Variants in ANKRA2 observed in about 807,000 individuals in gnomAD.
ANKRA2 encodes the protein ankyrin repeat family A member 2.
A neutral mutation model predicts 37.8 loss-of-function variants in ANKRA2; 33 were observed. That is an observed-to-expected ratio of 0.87 (90% CI 0.66 to 1.17). The LOEUF (loss-of-function observed/expected upper bound fraction) is 1.17, where lower values mean the gene tolerates loss of function less well. Among genes scored for constraint, ANKRA2 ranks in the 50% most tolerant of loss-of-function variants. The pLI, the probability that ANKRA2 is intolerant of heterozygous loss-of-function variation, is 0.00. For missense variants in ANKRA2, 326 were observed against 373.7 expected, an observed-to-expected ratio of 0.87 and a Z score of 1.05; for synonymous variants, 126 against 132.3, an observed-to-expected ratio of 0.95 and a Z score of 0.33.
At position 73,554,422 on chromosome 5, in the gene ANKRA2, C is replaced by T. The variant is rs139166858; in HGVS notation, c.739-34G>A. The stretch of plus-strand genomic sequence containing the variant: ...TGAAAAGGTGATTCAGAGTTTTTCA[C>T]GGTGAGCAAGACTCAAGTAATTTAA... On this transcript the variant is annotated intron_variant, in intron 6 of 8. Transcript: ENST00000296785. The T allele has an allele frequency of 5.0e-5, 74 of 1,481,498 alleles. No individual in the cohort carries two copies. The African/African-American group carries it at 6.9e-4, about 14-fold the overall frequency. 91.8% of individuals were successfully genotyped at this position (1,481,498 alleles called of 1,614,324 possible).
intron 7 of ANKRA2, 44 bp from the exon 8 acceptor site, chr5:73,553,530 G>A: frequency 6.7e-7 from 1 of 1,495,014 alleles, no homozygotes; most frequent in South Asian, 1.1e-5. Context: ...TGAAAATGCA[G>A]ATATGTTTGT....
Position 73,552,850 on chromosome 5 carries a change from G to T in ANKRA2, c.889C>A (p.Gln297Lys). 6.2e-7 allele frequency: 1 copy of T among 1,600,874 alleles called. No individual in the cohort carries two copies. Among genetic ancestry groups the T allele is most frequent in the South Asian group, 1.1e-5 (1 of 90,214 alleles). Residue 297 changes from glutamine (Q) to lysine (K), a missense_variant and splice_region_variant, in exon 9 of 9, where the codon CAA becomes AAA. Physicochemically the swap from Gln to Lys is moderately conservative, Grantham distance 53. This residue lies in a region of ANKRA2 where 228 missense variants were observed against 260.2 expected (regional missense o/e 0.88). Coordinates refer to ENST00000296785, the MANE Select transcript of ANKRA2 (RefSeq NM_023039.5). Reference protein sequence around the residue: ...LAVALGYRSVQQVIESHLLKL... With the variant: ...LAVALGYRSVKQVIESHLLKL... ...AACAAATGTGACTCAATAACCTGTT[G>T]AACTAGAACAGATAGGTAATCAAGA...
chr5:73,554,298 T>C, intron 7 of ANKRA2, 24 bp downstream of exon 7: 2 of 1,604,540 alleles, frequency 1.2e-6, no homozygotes, highest in South Asian at 2.2e-5. Flanking sequence ...TCACATGGCA[T>C]TTTCTAAATT....
intron 8 of ANKRA2, 146 bp from the exon 9 acceptor site, chr5:73,552,998 T>C: frequency 3.2e-6 from 2 of 621,034 alleles, no homozygotes; most frequent in Non-Finnish European, 5.5e-6. Context: ...AATAATACAA[T>C]GCAATACTTT....
chr5:73,555,770 G>A (rs1159266180), intron 4 of ANKRA2, among the ~76,000 whole-genome samples, 185 bp from the exon 5 acceptor site: 1 of 152,124 alleles, frequency 6.6e-6, no homozygotes, highest in African/African-American at 2.4e-5. Flanking sequence ...ATTAAAATAT[G>A]CCTCAATGTA....
In ANKRA2 at chr5:73,554,981, A is replaced by AGCAC; in HGVS notation, c.614_617dup (p.Asp207CysfsTer2). 1 of 1,612,912 alleles carries AGCAC rather than the reference A, an allele frequency of 6.2e-7. No individual in the cohort carries two copies. The highest frequency in any genetic ancestry group is 8.5e-7 in the Non-Finnish European group (1 of 1,179,566). ...GACCTTTTCCTAAAAGTTGGGGATC[A>AGCAC]GCACCCTGGTATGGGAAGTAGAGAT... On this transcript the variant is annotated frameshift_variant, in exon 6 of 9. Transcript: ENST00000296785. LOFTEE classifies it high-confidence loss of function.
In ANKRA2 at chr5:73,552,236, T is replaced by C. The variant is rs999906657; in HGVS notation, c.*561A>G. ...AGTTTATTTTAATTACATATATTGT[T>C]TGATCTAATGAAGTGTTACGGCAGG... On this transcript the variant is annotated 3_prime_UTR_variant, in exon 9 of 9. Coordinates refer to ENST00000296785, the MANE Select transcript of ANKRA2 (RefSeq NM_023039.5). 1.3e-5 allele frequency: 2 copies of C among 152,448 alleles called. No individual in the cohort carries two copies. The highest frequency in any genetic ancestry group is 4.8e-5 in the African/African-American group (2 of 41,462). The allele number at this position is 152,448 out of a possible 1,614,324, so 9.4% of individuals were successfully genotyped here. A position where few individuals can be genotyped will look rare whatever the true frequency, so the allele number is the denominator to read the frequency against.
Position 73,565,398 on chromosome 5 carries a change from C to T in ANKRA2, c.-371G>A, listed in dbSNP as rs1747706121. 4.5e-6 allele frequency: 1 copy of T among 221,716 alleles called. No individual in the cohort carries two copies. Among genetic ancestry groups the T allele is most frequent in the South Asian group, 5.3e-5 (1 of 18,904 alleles). The allele number at this position is 221,716 out of a possible 1,614,324, so 13.7% of individuals were successfully genotyped here. On this transcript the variant is annotated 5_prime_UTR_variant, in exon 1 of 9. Transcript: ENST00000296785. The stretch of plus-strand genomic sequence containing the variant: ...ATCTGAGGCCAGCTTCAGTACAGGC[C>T]TCCAAGCCCGGGCTTGTTTTGGCCG...
At chr5:73,563,870 A>C (rs1387654581) in intron 1 of ANKRA2, among the ~76,000 whole-genome samples, 1 of 152,218 alleles carries the variant, frequency 6.6e-6, no homozygotes, top group Non-Finnish European at 1.5e-5. Flanking sequence ...ATACATTTAC[A>C]GATAACCACC....
chr5:73,564,601 C>T (rs564784524), intron 1 of ANKRA2, among the ~76,000 whole-genome samples: 1 of 152,290 alleles, frequency 6.6e-6, no homozygotes, highest in South Asian at 2.1e-4. Context: ...ACTAGCTGGC[C>T]ACTCCTGGAC....
Position 73,561,300 on chromosome 5 carries a change from A to G in ANKRA2, c.290-12T>C. 1 of 1,606,368 alleles carries G rather than the reference A, an allele frequency of 6.2e-7. No homozygotes were observed. The highest frequency in any genetic ancestry group is 1.7e-4 in the Middle Eastern group (1 of 6,048). ...GATATTGCATTCAGCTAAGTGAAAAACAAATGTAAACACATTAAAAGCATT... is the reference window on the plus strand; with the variant it reads ...GATATTGCATTCAGCTAAGTGAAAAGCAAATGTAAACACATTAAAAGCATT... On this transcript the variant is annotated splice_polypyrimidine_tract_variant and intron_variant, in intron 2 of 8. Coordinates refer to ENST00000296785, the MANE Select transcript of ANKRA2 (RefSeq NM_023039.5).
Position 73,554,329 on chromosome 5 carries a change from C to G in ANKRA2, c.798G>C (p.Met266Ile). ...AAATTTTTATCTGCTTACCTAAGAG[C>G]ATCTTTACACATTTCACATGATTTC... Reference protein sequence around the residue: ...VHGNHVKCVKMLLESGADPTI... With the variant: ...VHGNHVKCVKILLESGADPTI... The change falls in exon 7 of 9, where the codon ATG (methionine) becomes ATC (isoleucine). Residue 266 changes from methionine (M) to isoleucine (I), a missense_variant. Met to Ile is a conservative substitution (Grantham distance 10). Transcript: ENST00000296785. 1 of 1,613,354 alleles carries G rather than the reference C, an allele frequency of 6.2e-7. No homozygotes were observed. The highest frequency in any genetic ancestry group is 8.5e-7 in the Non-Finnish European group (1 of 1,179,694).
At chr5:73,556,026 C>T (rs188087406) in intron 4 of ANKRA2, among the ~76,000 whole-genome samples, 1 of 152,272 alleles carries the variant, frequency 6.6e-6, no homozygotes, top group Admixed American at 6.5e-5. Context: ...TATATGATAG[C>T]CCTCAGAATT....
chr5:73,562,574 T>G lies in ANKRA2; in HGVS notation c.289+19A>C. On this transcript the variant is annotated intron_variant, in intron 2 of 8. Coordinates refer to ENST00000296785, the MANE Select transcript of ANKRA2 (RefSeq NM_023039.5). ...CAAAAACAAAAACAAATGCAGATATTTATACCATAACTTTCAACCTTTAAA... is the reference window on the plus strand; with the variant it reads ...CAAAAACAAAAACAAATGCAGATATGTATACCATAACTTTCAACCTTTAAA... 1 of 1,580,536 alleles carries G rather than the reference T, an allele frequency of 6.3e-7. No individual in the cohort carries two copies. The highest frequency in any genetic ancestry group is 1.8e-5 in the Admixed American group (1 of 54,118).
In ANKRA2 at chr5:73,565,495, CG is replaced by C. The variant is rs1747709391; in HGVS notation, c.-469del. The C allele has an allele frequency of 3.9e-6, 1 of 253,366 alleles. No individual in the cohort carries two copies. The highest frequency in any genetic ancestry group is 8.0e-6 in the Non-Finnish European group (1 of 125,362). 15.7% of individuals were successfully genotyped at this position (253,366 alleles called of 1,614,324 possible). ...TCCGCAGCAATGCAGCTGAAACTTT[CG>C]GGTTTTCTTTTTTTTGTCCCTCTCT... On this transcript the variant is annotated 5_prime_UTR_variant, in exon 1 of 9. Transcript: ENST00000296785.
At position 73,553,294 on chromosome 5, in the gene ANKRA2, G is replaced by C; in HGVS notation, c.886+112C>G. On this transcript the variant is annotated intron_variant, in intron 8 of 8. Transcript: ENST00000296785. ...TCCCAAAGTTAAAAGTATATGTCAG[G>C]AGTTGGGATAACATGTTTTAGGATT... 4.1e-6 allele frequency: 3 copies of C among 737,124 alleles called. No homozygotes were observed. In the Admixed American group the frequency reaches 9.2e-5, roughly 23 times the overall value. The allele number at this position is 737,124 out of a possible 1,614,324, so 45.7% of individuals were successfully genotyped here.
At chr5:73,554,733 TG>T in intron 6 of ANKRA2, 127 bp downstream of exon 6, 1 of 1,129,506 alleles carries the variant, frequency 8.9e-7, no homozygotes, top group Non-Finnish European at 1.2e-6. Context: ...CCCAAGTGGC[TG>T]GGACTACAGG....
intron 8 of ANKRA2, 79 bp from the exon 9 acceptor site, chr5:73,552,931 C>A: frequency 8.2e-7 from 1 of 1,213,818 alleles, no homozygotes; most frequent in African/African-American, 1.5e-5. Flanking sequence ...AACTTATCCC[C>A]AATATTTTCC....
At position 73,554,936 on chromosome 5, in the gene ANKRA2, C is replaced by T. The variant is rs1481009320; in HGVS notation, c.663G>A (p.Leu221=). ...TATCTGTGTAGCCTTTACTACAGGCCAACGACAGTGCACTTTCTCGACCTT... is the reference window on the plus strand; with the variant it reads ...TATCTGTGTAGCCTTTACTACAGGCTAACGACAGTGCACTTTCTCGACCTT... ...LGKGRESALS[L]ACSKGYTDIV... The change falls in exon 6 of 9, where the codon TTG becomes TTA. Residue 221 remains leucine, a synonymous_variant. Coordinates refer to ENST00000296785, the MANE Select transcript of ANKRA2 (RefSeq NM_023039.5). 1.4e-5 allele frequency: 23 copies of T among 1,613,598 alleles called. No individual in the cohort carries two copies. The highest frequency in any genetic ancestry group is 1.9e-5 in the Non-Finnish European group (23 of 1,179,714).
Sources: gnomAD v4.1 joint callset for allele counts (sites outside exome capture counted in the v4.1 genomes callset) on GRCh38, gnomAD v4.1.1 for gene constraint, gnomAD v4.1.1 regional missense constraint, MANE v1.5 for transcripts, NCBI Gene and HGNC (gene_info 2026-07-23, HGNC 2026-07-21) for gene names.